The following PCDHGA9 variants were observed in gnomAD, a reference collection of about 807,000 sequenced individuals.
PCDHGA9 encodes protocadherin gamma-A9.
PCDHGA9 carries 37 observed loss-of-function variants against 62.5 expected under a neutral mutation model. That is an observed-to-expected ratio of 0.59 (90% CI 0.46 to 0.78). The LOEUF is 0.78. Among genes scored for constraint, PCDHGA9 ranks in the 30% least tolerant of loss-of-function variants. PCDHGA9 has a pLI of 0.00. For missense variants in PCDHGA9, 1,138 were observed against 1,166.2 expected (o/e 0.98, Z 0.35); for synonymous variants, 459 against 484.6 (o/e 0.95, Z 0.69).
At chr5:141,426,625 A>G (rs770683989) in intron 1 of PCDHGA9, 29 of 394,754 alleles carry the variant, frequency 7.3e-5, no homozygotes, top group South Asian at 7.2e-5. Context: ...AATCCTCTAA[A>G]TGTTTTTCAC....
chr5:141,428,114 C>T (rs2097111703), intron 1 of PCDHGA9: 1 of 1,607,084 alleles, frequency 6.2e-7, no homozygotes, highest in Admixed American at 1.7e-5. Context: ...TGCAGGCCAT[C>T]GAGCCCGGGC....
Position 141,431,141 on chromosome 5 carries a change from G to T in PCDHGA9, c.2424+25765G>T. 1.2e-6 allele frequency: 2 copies of T among 1,614,212 alleles called. No homozygotes were observed. Among genetic ancestry groups the T allele is most frequent in the South Asian group, 1.1e-5 (1 of 91,084 alleles). On this transcript the variant is annotated intron_variant, in intron 1 of 3. Coordinates refer to ENST00000573521, the MANE Select transcript of PCDHGA9 (RefSeq NM_018921.3). This position sits in a 1 kb window ranked among gnomAD's most constrained non-coding sequence, Gnocchi z 4.8. ...AGAAGTAGAAGTAAGGGACATTAACGACAATGCGCCTTACTTTCGTGAAAG... is the reference window on the plus strand; with the variant it reads ...AGAAGTAGAAGTAAGGGACATTAACTACAATGCGCCTTACTTTCGTGAAAG...
chr5:141,408,624 A>G, intron 1 of PCDHGA9: 1 of 1,614,016 alleles, frequency 6.2e-7, no homozygotes, highest in Non-Finnish European at 8.5e-7. Flanking sequence ...ATACATTTAG[A>G]AATTTTCGAA....
intron 1 of PCDHGA9, among the ~76,000 whole-genome samples, chr5:141,450,829 ATTT>A (rs373424450): frequency 7.4e-6 from 1 of 135,126 alleles, no homozygotes; most frequent in African/African-American, 2.7e-5. Flanking sequence ...TATTATTATT[ATTT>A]TTTTTTTTTT....
chr5:141,511,462 C>T lies in PCDHGA9; in HGVS notation c.*289C>T, dbSNP rs1385398410. On this transcript the variant is annotated 3_prime_UTR_variant, in exon 4 of 4. Transcript: ENST00000573521. Reference sequence around the variant, plus strand: ...AGACACCAAGAACCATTTGCCACACCCCGTTTAGTTACAGCTGAACTCCTC... The same window carrying T: ...AGACACCAAGAACCATTTGCCACACTCCGTTTAGTTACAGCTGAACTCCTC... 5.4e-6 allele frequency: 3 copies of T among 556,350 alleles called. No individual in the cohort carries two copies. In the South Asian group the frequency reaches 6.3e-5, roughly 12 times the overall value. 34.5% of individuals were successfully genotyped at this position (556,350 alleles called of 1,614,324 possible).
In PCDHGA9 at chr5:141,493,307, AAG is replaced by A. The variant is rs2099747490; in HGVS notation, c.2425-1494_2425-1493del. Among the ~76,000 whole-genome samples, 1 of 152,234 alleles carries A rather than the reference AAG, an allele frequency of 6.6e-6. No homozygotes were observed. Among genetic ancestry groups the A allele is most frequent in the South Asian group, 2.1e-4 (1 of 4,832 alleles). ...ACTTGCTCAAGTTCACAGAGCAAGT[AAG>A]AGAGATTCTAACCCCTGTCTAACTC... On this transcript the variant is annotated intron_variant, in intron 1 of 3. Transcript: ENST00000573521. This position sits in a 1 kb window ranked among gnomAD's most constrained non-coding sequence, Gnocchi z 4.3.
At position 141,432,032 on chromosome 5, in the gene PCDHGA9, A is replaced by G; in HGVS notation, c.2424+26656A>G. On this transcript the variant is annotated intron_variant, in intron 1 of 3. Coordinates refer to ENST00000573521, the MANE Select transcript of PCDHGA9 (RefSeq NM_018921.3). The surrounding 1 kb of genome is among the most constrained non-coding windows in gnomAD (Gnocchi z 6.0). ...TAGCTACAACATCACAGTGACCGCC[A>G]CTGACCGGGGAACCCCGCCCCTATC... 2 of 1,614,242 alleles carry G rather than the reference A, an allele frequency of 1.2e-6. No homozygotes were observed. Among genetic ancestry groups the G allele is most frequent in the South Asian group, 1.1e-5 (1 of 91,086 alleles).
At position 141,431,353 on chromosome 5, in the gene PCDHGA9, C is replaced by T. The variant is rs1273946805; in HGVS notation, c.2424+25977C>T. 1 of 1,613,940 alleles carries T rather than the reference C, an allele frequency of 6.2e-7. No homozygotes were observed. Among genetic ancestry groups the T allele is most frequent in the Non-Finnish European group, 8.5e-7 (1 of 1,180,042 alleles). On this transcript the variant is annotated intron_variant, in intron 1 of 3. Coordinates refer to ENST00000573521, the MANE Select transcript of PCDHGA9 (RefSeq NM_018921.3). This position sits in a 1 kb window ranked among gnomAD's most constrained non-coding sequence, Gnocchi z 4.8. ...AGTACCCCGAATTGGTGCTGAAACG[C>T]GCCCTGGACCGCGAAGAAAAGGCTG...
intron 1 of PCDHGA9, chr5:141,441,799 G>C (rs546770596): frequency 2.6e-6 from 1 of 385,350 alleles, no homozygotes; most frequent in Non-Finnish European, 5.2e-6. Context: ...AACGCACCGC[G>C]GGTGCTGTAC....
intron 1 of PCDHGA9, among the ~76,000 whole-genome samples, chr5:141,439,161 C>T (rs1384707803): frequency 6.6e-6 from 1 of 150,850 alleles, no homozygotes; most frequent in Non-Finnish European, 1.5e-5. Flanking sequence ...CCACTGCACT[C>T]CAGCCTGGGC....
chr5:141,480,914 G>A (rs959577133), intron 1 of PCDHGA9, among the ~76,000 whole-genome samples: 18 of 151,978 alleles, frequency 1.2e-4, no homozygotes, highest in South Asian at 4.2e-4. Flanking sequence ...GCATGGTGGC[G>A]CATACCTGTA....
At chr5:141,418,987 A>T (rs1244429131) in intron 1 of PCDHGA9, 2 of 1,613,856 alleles carry the variant, frequency 1.2e-6, no homozygotes, top group Non-Finnish European at 1.7e-6. Flanking sequence ...ACCAAGACTC[A>T]GGGGAAAATG....
At chr5:141,430,217 T>C (rs1055487905) in intron 1 of PCDHGA9, among the ~76,000 whole-genome samples, 1 of 150,102 alleles carries the variant, frequency 6.7e-6, no homozygotes, top group Non-Finnish European at 1.5e-5. Context: ...TATTATATTA[T>C]ATGATTTGTC....
chr5:141,452,303 G>C (rs1271182127), intron 1 of PCDHGA9, among the ~76,000 whole-genome samples: 1 of 152,048 alleles, frequency 6.6e-6, no homozygotes, highest in Non-Finnish European at 1.5e-5. Flanking sequence ...GAAAATATTA[G>C]AGACTCATAC....
chr5:141,422,467 G>A (rs1380910490), intron 1 of PCDHGA9: 1 of 1,613,664 alleles, frequency 6.2e-7, no homozygotes, highest in Non-Finnish European at 8.5e-7. Context: ...GCTGGACAGG[G>A]AGTTGGTCCA....
rs1340366910 is a variant in PCDHGA9 at position 141,490,965 on chromosome 5, C to T, written c.2425-3842C>T. The T allele has an allele frequency of 2.5e-6, 4 of 1,613,738 alleles. No homozygotes were observed. The highest frequency in any genetic ancestry group is 2.7e-5 in the African/African-American group (2 of 74,934). On this transcript the variant is annotated intron_variant, in intron 1 of 3. Transcript: ENST00000573521. This position sits in a 1 kb window ranked among gnomAD's most constrained non-coding sequence, Gnocchi z 5.4. Reference sequence around the variant, plus strand: ...CACGGCCAGACTGGGAACACTCAGCCCCCCAGCGTCTCCCTCGCTCTGCTC... The same window carrying T: ...CACGGCCAGACTGGGAACACTCAGCTCCCCAGCGTCTCCCTCGCTCTGCTC...
rs759809591 is a variant in PCDHGA9 at position 141,511,048 on chromosome 5, C to T, written c.2674C>T (p.Arg892Cys). The change falls in exon 4 of 4, where the codon CGC becomes TGC. Residue 892 changes from arginine (R) to cysteine (C), a missense_variant. Coordinates refer to ENST00000573521, the MANE Select transcript of PCDHGA9 (RefSeq NM_018921.3). ...QFTLQHVPDY[R>C]QNVYIPGSNA... ...CACCCTGCAGCACGTGCCCGACTAC[C>T]GCCAGAATGTCTACATCCCAGGCAG... 9 of 1,614,224 alleles carry T rather than the reference C, an allele frequency of 5.6e-6. No individual in the cohort carries two copies. The highest frequency in any genetic ancestry group is 1.7e-5 in the Admixed American group (1 of 60,034).
intron 1 of PCDHGA9, chr5:141,414,230 CCAT>C: frequency 6.2e-7 from 1 of 1,613,308 alleles, no homozygotes; most frequent in Non-Finnish European, 8.5e-7. Context: ...CCAGAGCTGA[CCAT>C]CACGTCTCTA....
In PCDHGA9 at chr5:141,512,133, G is replaced by A. The variant is rs1394116556; in HGVS notation, c.*960G>A. ...CCACTACATAATAGGGCTCAGCCCA[G>A]GCAGCCAGCTTTGGGCTGAGCTAAC... On this transcript the variant is annotated 3_prime_UTR_variant, in exon 4 of 4. Coordinates refer to ENST00000573521, the MANE Select transcript of PCDHGA9 (RefSeq NM_018921.3). 3 of 152,708 alleles carry A rather than the reference G, an allele frequency of 2.0e-5. No homozygotes were observed. Among genetic ancestry groups the A allele is most frequent in the Non-Finnish European group, 2.9e-5 (2 of 68,102 alleles). 9.5% of individuals were successfully genotyped at this position (152,708 alleles called of 1,614,324 possible).
Sources: gnomAD v4.1 joint callset for allele counts (sites outside exome capture counted in the v4.1 genomes callset) on GRCh38, gnomAD v4.1.1 for gene constraint, Gnocchi (gnomAD v3.1) non-coding constraint, MANE v1.5 for transcripts, NCBI Gene and HGNC (gene_info 2026-07-23, HGNC 2026-07-21) for gene names.